Variants in GALNT13 observed in about 807,000 individuals in gnomAD.
The protein encoded by GALNT13 is polypeptide N-acetylgalactosaminyltransferase 13, also known as UDP-GalNAc:polypeptide N-acetylgalactosaminyltransferase 13.
Under a neutral mutation model 64.2 loss-of-function variants are expected in GALNT13, and 28 were observed. The observed-to-expected ratio is 0.44, with a 90% CI of 0.32 to 0.60. The LOEUF is 0.60. Among genes scored for constraint, GALNT13 ranks in the 20% least tolerant of loss-of-function variants. The probability of loss-of-function intolerance (pLI) is 0.05; values close to 1 mark genes in which losing one functional copy is unlikely to be tolerated. For synonymous variants in GALNT13, 214 were observed against 224.6 expected, an observed-to-expected ratio of 0.95 and a Z score of 0.42; for missense variants, 577 against 669.8, an observed-to-expected ratio of 0.86 and a Z score of 1.53.
At chr2:154,262,971 C>A (rs957062537) in intron 8 of GALNT13, among the ~76,000 whole-genome samples, 8 of 152,134 alleles carry the variant, frequency 5.3e-5, no homozygotes, top group Non-Finnish European at 1.0e-4. Context: ...AACCAACAAG[C>A]ATCACCACCA....
intron 3 of GALNT13, among the ~76,000 whole-genome samples, chr2:154,102,331 C>G (rs1702391491): frequency 6.6e-6 from 1 of 152,160 alleles, no homozygotes; most frequent in Non-Finnish European, 1.5e-5. Flanking sequence ...CAGAAGAGAA[C>G]AACCCTGCTC....
chr2:153,362,436 T>C, the GALNT13 span, among the ~76,000 whole-genome samples: 1 of 149,932 alleles, frequency 6.7e-6, no homozygotes, highest in Admixed American at 6.7e-5. Flanking sequence ...GATGGGAAAA[T>C]TGAATAAAGA....
the GALNT13 span, among the ~76,000 whole-genome samples, chr2:153,802,491 T>C: frequency 2.6e-5 from 4 of 152,238 alleles, no homozygotes; most frequent in Non-Finnish European, 5.9e-5. Flanking sequence ...TTGCAAACTT[T>C]ATAGTAGAGA....
At chr2:153,742,628 G>A in the GALNT13 span, among the ~76,000 whole-genome samples, 1 of 151,900 alleles carries the variant, frequency 6.6e-6, no homozygotes, top group Non-Finnish European at 1.5e-5. Context: ...CCATCTTTAT[G>A]TCCACATGTA....
the GALNT13 span, among the ~76,000 whole-genome samples, chr2:153,436,922 T>A: frequency 6.6e-6 from 1 of 152,294 alleles, no homozygotes; most frequent in South Asian, 2.1e-4. Flanking sequence ...GATGTTAGGG[T>A]GTCAATTTTG....
the GALNT13 span, among the ~76,000 whole-genome samples, chr2:153,583,426 C>G: frequency 3.9e-5 from 6 of 152,090 alleles, no homozygotes; most frequent in Non-Finnish European, 7.4e-5. Context: ...ATAAATTATT[C>G]AAGCGGGAAC....
At chr2:153,421,902 A>AG in the GALNT13 span, 199,368 of 199,370 alleles carry the variant, frequency 1, 99,683 homozygotes, top group Middle Eastern at 1. Context: ...AGCTCCCGGC[A>AG]GCATTGCCAA....
intron 8 of GALNT13, among the ~76,000 whole-genome samples, chr2:154,260,488 C>T (rs1690637731): frequency 6.6e-6 from 1 of 152,096 alleles, no homozygotes; most frequent in Admixed American, 6.6e-5. Flanking sequence ...TGTAAACTTT[C>T]CTGATAGCCA....
the GALNT13 span, among the ~76,000 whole-genome samples, chr2:153,232,884 A>G: frequency 6.6e-6 from 1 of 152,152 alleles, no homozygotes; most frequent in Non-Finnish European, 1.5e-5. Flanking sequence ...GGTCTCCTTT[A>G]CTGGTTGGGA....
chr2:154,218,454 C>T (rs1036417579), intron 4 of GALNT13, among the ~76,000 whole-genome samples: 1 of 152,088 alleles, frequency 6.6e-6, no homozygotes, highest in Non-Finnish European at 1.5e-5. Flanking sequence ...AGATGTTGTA[C>T]TATTCCTCAC....
At chr2:153,949,792 C>T (rs1026884545) in intron 3 of GALNT13, among the ~76,000 whole-genome samples, 28 of 151,808 alleles carry the variant, frequency 1.8e-4, no homozygotes, top group African/African-American at 5.1e-4. Context: ...CCTCTGATGG[C>T]GAACCACATG....
chr2:154,440,069 G>A (rs1291715191), intron 12 of GALNT13, among the ~76,000 whole-genome samples: 2 of 152,132 alleles, frequency 1.3e-5, no homozygotes, highest in Non-Finnish European at 2.9e-5. Context: ...ATGAGGAAAA[G>A]TGCAGTAAAA....
At chr2:154,355,405 G>A (rs1037293753) in intron 9 of GALNT13, among the ~76,000 whole-genome samples, 8 of 152,082 alleles carry the variant, frequency 5.3e-5, no homozygotes, top group Non-Finnish European at 1.0e-4. Flanking sequence ...GAATATGCAA[G>A]ATATGAGTTC....
chr2:154,184,102 T>C (rs1231572223), intron 4 of GALNT13, among the ~76,000 whole-genome samples: 1 of 151,836 alleles, frequency 6.6e-6, no homozygotes, highest in Non-Finnish European at 1.5e-5. Flanking sequence ...TTTGAACTTA[T>C]AAATTTATAA....
At chr2:153,821,199 A>T in the GALNT13 span, among the ~76,000 whole-genome samples, 1 of 152,234 alleles carries the variant, frequency 6.6e-6, no homozygotes, top group South Asian at 2.1e-4. Flanking sequence ...GCAAAAAACT[A>T]ACAAGAAATT....
At chr2:154,060,249 G>A (rs1023874599) in intron 3 of GALNT13, among the ~76,000 whole-genome samples, 14 of 152,198 alleles carry the variant, frequency 9.2e-5, no homozygotes, top group African/African-American at 3.1e-4. Context: ...ATGCTACTTT[G>A]TTGTAATAGC....
chr2:153,189,821 T>C, the GALNT13 span, among the ~76,000 whole-genome samples: 422 of 152,270 alleles, frequency 2.8e-3, 2 homozygotes, highest in African/African-American at 9.8e-3. Context: ...TATCTCACTG[T>C]GGTTTTGATT....
rs148325038 is a variant in GALNT13 at position 153,903,925 on chromosome 2, T to G, written c.-105+2918T>G. ...TCTGCCTGCCAGCCATTACCTCCTT[T>G]CCATCAGTTTCCCGTGGATGACATT... On this transcript the variant is annotated intron_variant, in intron 2 of 12. Coordinates refer to ENST00000392825, the MANE Select transcript of GALNT13 (RefSeq NM_052917.4). Among the ~76,000 whole-genome samples the G allele has an allele frequency of 1.2e-3, 178 of 152,110 alleles. 1 individual carries two copies. The highest frequency in any genetic ancestry group is 4.0e-3 in the African/African-American group (168 of 41,544).
At chr2:154,355,339 T>C (rs12611469) in intron 9 of GALNT13, among the ~76,000 whole-genome samples, 18,063 of 152,144 alleles carry the variant, frequency 0.12, 1,120 homozygotes, top group Non-Finnish European at 0.14. Flanking sequence ...TGGCTGATAT[T>C]TGGATATCTT....
Sources: gnomAD v4.1 joint callset for allele counts (sites outside exome capture counted in the v4.1 genomes callset) on GRCh38, gnomAD v4.1.1 for gene constraint, MANE v1.5 for transcripts, NCBI Gene and HGNC (gene_info 2026-07-23, HGNC 2026-07-21) for gene names.